Variants in FOXO3 observed in about 807,000 individuals in gnomAD.
FOXO3 encodes forkhead box O3.
In FOXO3, 4 loss-of-function variants were observed where a neutral mutation model predicts 41.9. The ratio of observed to expected loss-of-function variants is 0.10; its 90% CI spans 0.05 to 0.22. The LOEUF (loss-of-function observed/expected upper bound fraction) is 0.22. Among genes scored for constraint, FOXO3 ranks in the 10% least tolerant of loss-of-function variants. The pLI is 1.00. For synonymous variants in FOXO3, 318 were observed against 389.3 expected, an observed-to-expected ratio of 0.82 and a Z score of 2.16; for missense variants, 534 against 906.8, an observed-to-expected ratio of 0.59 and a Z score of 5.28.
chr6:108,588,077 C>T (rs1197072129), intron 1 of FOXO3, among the ~76,000 whole-genome samples: 1 of 151,560 alleles, frequency 6.6e-6, no homozygotes, highest in African/African-American at 2.4e-5. Flanking sequence ...ATTTCAAAGG[C>T]AACTTTAAGT....
At chr6:108,630,688 T>G (rs1366568723) in intron 1 of FOXO3, among the ~76,000 whole-genome samples, 2 of 152,170 alleles carry the variant, frequency 1.3e-5, no homozygotes, top group African/African-American at 4.8e-5. Flanking sequence ...TTCTCTAAGT[T>G]GTCTCAACTC....
At chr6:108,586,450 A>G (rs1359672915) in intron 1 of FOXO3, among the ~76,000 whole-genome samples, 1 of 152,104 alleles carries the variant, frequency 6.6e-6, no homozygotes, top group Non-Finnish European at 1.5e-5. Context: ...GTTTCAGTGT[A>G]CCTTCCTCAG....
rs146186567 is a variant in FOXO3 at position 108,561,670 on chromosome 6, G to A, written c.462G>A (p.Arg154=). ...SGQPRKCSSR[R]NAWGNLSYAD... Reference sequence around the variant, plus strand: ...AGCCGAGGAAATGTTCGTCGCGGCGGAACGCCTGGGGAAACCTGTCCTACG... The same window carrying A: ...AGCCGAGGAAATGTTCGTCGCGGCGAAACGCCTGGGGAAACCTGTCCTACG... Residue 154 remains arginine (R), a synonymous_variant, in exon 1 of 3, where the codon CGG becomes CGA. Coordinates refer to ENST00000406360, the MANE Select transcript of FOXO3 (RefSeq NM_001455.4). The A allele has an allele frequency of 6.2e-6, 10 of 1,605,518 alleles. 1 individual carries two copies. Among genetic ancestry groups the A allele is most frequent in the Non-Finnish European group, 7.6e-6 (9 of 1,176,698 alleles).
intron 1 of FOXO3, among the ~76,000 whole-genome samples, chr6:108,598,453 A>G (rs1282902568): frequency 6.6e-6 from 1 of 152,204 alleles, no homozygotes; most frequent in Admixed American, 6.5e-5. Flanking sequence ...AACCACAAGC[A>G]GGATACATAA....
intron 1 of FOXO3, among the ~76,000 whole-genome samples, chr6:108,577,640 T>G (rs968730559): frequency 6.6e-6 from 1 of 152,204 alleles, no homozygotes; most frequent in Non-Finnish European, 1.5e-5. Flanking sequence ...CATCTATGTT[T>G]TTTAAGCTTC....
upstream of FOXO3, among the ~76,000 whole-genome samples, chr6:108,560,668 G>A (rs904964051): frequency 6.6e-6 from 1 of 152,062 alleles, no homozygotes; most frequent in African/African-American, 2.4e-5. Flanking sequence ...GCACTAGAGC[G>A]GGCCCGAGCG....
chr6:108,663,083 T>G (rs1554218911), intron 1 of FOXO3, among the ~76,000 whole-genome samples: 1 of 152,170 alleles, frequency 6.6e-6, no homozygotes, highest in Non-Finnish European at 1.5e-5. Flanking sequence ...CTTTAAAAAA[T>G]GAGGAGTTGG....
intron 1 of FOXO3, among the ~76,000 whole-genome samples, chr6:108,612,357 T>C (rs1279816484): frequency 6.6e-6 from 1 of 152,126 alleles, no homozygotes; most frequent in Non-Finnish European, 1.5e-5. Context: ...GTTCTTAGGA[T>C]TTTTTTACAT....
chr6:108,562,956 C>T (rs9386735), intron 1 of FOXO3, among the ~76,000 whole-genome samples: 3,851 of 152,300 alleles, frequency 0.025, 87 homozygotes, highest in South Asian at 0.091. Flanking sequence ...TGGAGATATA[C>T]ATCTCTTATC....
intron 1 of FOXO3, among the ~76,000 whole-genome samples, chr6:108,631,671 T>G (rs140520849): frequency 1.1e-4 from 17 of 152,312 alleles, no homozygotes; most frequent in African/African-American, 4.1e-4. Flanking sequence ...ATTTCACTTC[T>G]GTATACTTCA....
At chr6:108,678,890 T>TTTTTTTCTTC (rs368405598) in intron 2 of FOXO3, among the ~76,000 whole-genome samples, 1 of 115,334 alleles carries the variant, frequency 8.7e-6, no homozygotes, top group Admixed American at 1.1e-4. Context: ...TTTTTTTTTT[T>TTTTTTTCTTC]TGAGACGGAG....
chr6:108,651,254 A>G (rs1395530968), intron 1 of FOXO3, among the ~76,000 whole-genome samples: 2 of 152,314 alleles, frequency 1.3e-5, no homozygotes, highest in African/African-American at 2.4e-5. Context: ...TGCTTCTTTC[A>G]CTGGTAACAC....
chr6:108,598,687 A>G (rs1776960585), intron 1 of FOXO3, among the ~76,000 whole-genome samples: 1 of 152,238 alleles, frequency 6.6e-6, no homozygotes. Context: ...GAAATTCACC[A>G]TCATGGAAAC....
At chr6:108,668,843 A>C (rs2128389322) in intron 2 of FOXO3, among the ~76,000 whole-genome samples, 1 of 152,260 alleles carries the variant, frequency 6.6e-6, no homozygotes, top group Non-Finnish European at 1.5e-5. Context: ...TTTAAACTTG[A>C]AGACCGGGCG....
chr6:108,641,583 G>A (rs967158227), intron 1 of FOXO3, among the ~76,000 whole-genome samples: 1 of 152,068 alleles, frequency 6.6e-6, no homozygotes. Context: ...AGACAGAGTC[G>A]TGATGACTAC....
intron 2 of FOXO3, among the ~76,000 whole-genome samples, chr6:108,672,179 A>C (rs1177102085): frequency 6.6e-6 from 1 of 152,204 alleles, no homozygotes; most frequent in Non-Finnish European, 1.5e-5. Flanking sequence ...ATAAAGAGCC[A>C]TTGCAGTCCC....
At chr6:108,596,637 A>G (rs1049503580) in intron 1 of FOXO3, among the ~76,000 whole-genome samples, 2 of 152,216 alleles carry the variant, frequency 1.3e-5, no homozygotes, top group African/African-American at 4.8e-5. Flanking sequence ...ATAAATGTGT[A>G]CCTGTCCATA....
intron 2 of FOXO3, 83 bp downstream of exon 2, chr6:108,664,972 T>G: frequency 7.4e-7 from 1 of 1,358,958 alleles, no homozygotes; most frequent in Non-Finnish European, 1.0e-6. Flanking sequence ...CTCTTTACTT[T>G]GAACTTTATT....
chr6:108,668,417 G>A (rs1779118444), intron 2 of FOXO3, among the ~76,000 whole-genome samples: 1 of 152,192 alleles, frequency 6.6e-6, no homozygotes, highest in African/African-American at 2.4e-5. Context: ...TCTCTCAGGT[G>A]TTCATAAAGC....
Sources: allele counts gnomAD v4.1 joint callset (sites outside exome capture counted in the v4.1 genomes callset), GRCh38; gene constraint gnomAD v4.1.1; transcripts MANE v1.5; gene names NCBI Gene and HGNC (gene_info 2026-07-23, HGNC 2026-07-21).